The following ZSWIM8 variants were observed in gnomAD, a reference collection of about 807,000 sequenced individuals.
The protein encoded by ZSWIM8 is zinc finger SWIM domain-containing protein 8.
In ZSWIM8, 27 loss-of-function variants were observed where a neutral mutation model predicts 173.7. The ratio of observed to expected loss-of-function variants is 0.16; its 90% CI spans 0.11 to 0.21. ZSWIM8 has a LOEUF of 0.21. Among genes scored for constraint, ZSWIM8 ranks in the 10% least tolerant of loss-of-function variants. The pLI is 1.00. For missense variants in ZSWIM8, 1,627 were observed against 2,428.8 expected (o/e 0.67, Z 6.94); for synonymous variants, 958 against 962.0 (o/e 1.00, Z 0.08).
Position 73,794,299 on chromosome 10 carries a change from C to G in ZSWIM8, c.2778C>G (p.Ala926=), listed in dbSNP as rs2083529068. 1.2e-6 allele frequency: 2 copies of G among 1,613,986 alleles called. No individual in the cohort carries two copies. The highest frequency in any genetic ancestry group is 1.7e-6 in the Non-Finnish European group (2 of 1,179,880). ...GGCCTGTGTTGCCTCTCATGCTGGCCAGTTTCATCTTTGACGTTCTCTGTG... is the reference window on the plus strand; with the variant it reads ...GGCCTGTGTTGCCTCTCATGCTGGCGAGTTTCATCTTTGACGTTCTCTGTG... ...DYRPVLPLML[A]SFIFDVLCAP... is the part of the protein sequence containing the mutation. Residue 926 remains alanine (A), a synonymous_variant, in exon 13 of 26, where the codon GCC becomes GCG. Transcript: ENST00000604729.
chr10:73,797,564 T>C lies in ZSWIM8; in HGVS notation c.3621T>C (p.Ser1207=). 6.2e-7 allele frequency: 1 copy of C among 1,613,920 alleles called. No individual in the cohort carries two copies. The highest frequency in any genetic ancestry group is 2.2e-5 in the East Asian group (1 of 44,868). The change falls in exon 18 of 26, where the codon AGT becomes AGC. Residue 1207 remains serine, a synonymous_variant. Transcript: ENST00000604729. The surrounding 1 kb of genome is among the most constrained non-coding windows in gnomAD (Gnocchi z 5.6). ...CCTCCAGTGGAAGTCGCCGGGCCAG[T>C]GCCAGTGGAGGAGCCCGGGCGAAGA... ...SSSSSGSRRA[S]ASGGARAKTV... is the part of the protein sequence containing the mutation.
chr10:73,796,217 C>T (rs1043691715), intron 15 of ZSWIM8: 13 of 203,954 alleles, frequency 6.4e-5, no homozygotes, highest in Middle Eastern at 2.0e-3. Context: ...GGCATGGTGG[C>T]GCGCGCCTGT....
rs781473644 is a variant in ZSWIM8 at position 73,794,556 on chromosome 10, G to A, written c.2825G>A (p.Gly942Asp). The change falls in exon 14 of 26, where the codon GGT becomes GAT. Residue 942 changes from glycine to aspartate, a missense_variant. By Grantham distance (94) the Gly-to-Asp change is moderately conservative. Transcript: ENST00000604729. ...VLCAPVVSPT[G>D]SRPPSRNWNS... ...TTTTATACAGTGGTTTCTCCCACAG[G>A]TTCCCGGCCCCCAAGTCGCAACTGG... is the stretch of plus-strand genomic sequence containing the variant. 1 of 1,561,816 alleles carries A rather than the reference G, an allele frequency of 6.4e-7. No homozygotes were observed. The highest frequency in any genetic ancestry group is 1.2e-5 in the South Asian group (1 of 85,100).
At chr10:73,788,261 A>G (rs745702469) in intron 1 of ZSWIM8, among the ~76,000 whole-genome samples, 8 of 151,756 alleles carry the variant, frequency 5.3e-5, no homozygotes, top group Non-Finnish European at 1.2e-4. Context: ...AAAAAAGGCA[A>G]TCGGAGACAA....
Position 73,794,784 on chromosome 10 carries a change from A to G in ZSWIM8, c.2908+145A>G, listed in dbSNP as rs2083552830. On this transcript the variant is annotated intron_variant, in intron 14 of 25. Coordinates refer to ENST00000604729, the MANE Select transcript of ZSWIM8 (RefSeq NM_001367799.1). Reference sequence around the variant, plus strand: ...ACTAGTGCCTGTAAGACAGGAATTCAGGGCAAAAATGTGTGCTATATGGCT... The same window carrying G: ...ACTAGTGCCTGTAAGACAGGAATTCGGGGCAAAAATGTGTGCTATATGGCT... 16 of 675,324 alleles carry G rather than the reference A, an allele frequency of 2.4e-5. No homozygotes were observed. The South Asian group carries it at 3.0e-4, about 13-fold the overall frequency. The allele number at this position is 675,324 out of a possible 1,614,324, so 41.8% of individuals were successfully genotyped here.
chr10:73,799,978 T>A (rs769454177), intron 21 of ZSWIM8, 33 bp from the exon 22 acceptor site: 1 of 1,604,548 alleles, frequency 6.2e-7, no homozygotes, highest in Non-Finnish European at 8.5e-7. Flanking sequence ...TAATCAAGTT[T>A]GGCATCTTCC....
chr10:73,786,087 G>T lies in ZSWIM8; in HGVS notation c.208+1G>T. On this transcript the variant is annotated splice_donor_variant, in intron 1 of 25. Coordinates refer to ENST00000604729, the MANE Select transcript of ZSWIM8 (RefSeq NM_001367799.1). LOFTEE classifies it high-confidence loss of function. ...GGCAGTGGCGGTACCAGAATGCGAG[G>T]TGAGAGTGAGCTGGGGGGAAGAGGA... The T allele has an allele frequency of 6.4e-7, 1 of 1,566,080 alleles. No homozygotes were observed. Among genetic ancestry groups the T allele is most frequent in the Non-Finnish European group, 8.7e-7 (1 of 1,153,908 alleles).
chr10:73,801,360 C>T lies in ZSWIM8; in HGVS notation c.5346C>T (p.Asp1782=), dbSNP rs771281686. 5.0e-6 allele frequency: 8 copies of T among 1,613,974 alleles called. No individual in the cohort carries two copies. Among genetic ancestry groups the T allele is most frequent in the Admixed American group, 1.7e-5 (1 of 60,020 alleles). The change falls in exon 26 of 26, where the codon GAC becomes GAT. Residue 1782 remains aspartate, a synonymous_variant. Transcript: ENST00000604729. This position sits in a 1 kb window ranked among gnomAD's most constrained non-coding sequence, Gnocchi z 4.9. ...TTCACCTGACTCCTGCGGACTACGA[C>T]GACTTTGTGAATGCGATCCGGAGTG... The part of the protein sequence containing the change: ...RLIHLTPADY[D]DFVNAIRSAR...
In ZSWIM8 at chr10:73,790,370, A is replaced by G. The variant is rs1435246782; in HGVS notation, c.941+78A>G. 3.3e-5 allele frequency: 51 copies of G among 1,523,398 alleles called. No homozygotes were observed. The Middle Eastern group carries it at 7.1e-4, about 21-fold the overall frequency. The allele number at this position is 1,523,398 out of a possible 1,614,324, so 94.4% of individuals were successfully genotyped here. On this transcript the variant is annotated intron_variant, in intron 7 of 25. Transcript: ENST00000604729. ...AGGCTGATGACAGATCCTTTCTTCT[A>G]TTCATGCCTGTGACCCCTACCTTTT...
At chr10:73,798,833 C>T (rs1249441038) in intron 20 of ZSWIM8, among the ~76,000 whole-genome samples, 169 bp from the exon 21 acceptor site, 2 of 152,174 alleles carry the variant, frequency 1.3e-5, no homozygotes, top group Non-Finnish European at 2.9e-5. Flanking sequence ...AGTATTTACT[C>T]AGTGTGTGAA....
At chr10:73,798,543 C>G (rs2132788193) in intron 20 of ZSWIM8, 90 bp downstream of exon 20, 1 of 1,203,868 alleles carries the variant, frequency 8.3e-7, no homozygotes, top group African/African-American at 1.5e-5. Flanking sequence ...CTCTTGATTC[C>G]CGTATCCTGG....
chr10:73,801,207 G>C lies in ZSWIM8; in HGVS notation c.5301+12G>C. ...AGGCATACATGCAGGTGACAACCTA[G>C]AATTATGGAGCAGGGTGGAGCACTT... On this transcript the variant is annotated intron_variant, in intron 25 of 25. Coordinates refer to ENST00000604729, the MANE Select transcript of ZSWIM8 (RefSeq NM_001367799.1). The surrounding 1 kb of genome is among the most constrained non-coding windows in gnomAD (Gnocchi z 4.9). The C allele has an allele frequency of 1.9e-6, 3 of 1,602,002 alleles. No individual in the cohort carries two copies. The highest frequency in any genetic ancestry group is 1.7e-6 in the Non-Finnish European group (2 of 1,173,798).
At chr10:73,790,136 C>A (rs2083366040) in intron 6 of ZSWIM8, 36 bp from the exon 7 acceptor site, 2 of 1,611,018 alleles carry the variant, frequency 1.2e-6, no homozygotes, top group African/African-American at 2.7e-5. Context: ...AATCCAGGCC[C>A]CTATCTCTAG....
Position 73,800,310 on chromosome 10 carries a change from C to T in ZSWIM8, c.4840C>T (p.Pro1614Ser). ...ACCCCACTTAGTGAGCAGTGTCCAT[C>T]CAGCATCCACGTTTCCAGCCATCCA... The part of the protein sequence containing the change: ...PTSVALSSVH[P>S]ASTFPAIQGA... The change falls in exon 23 of 26, where the codon CCA (proline) becomes TCA (serine). Residue 1614 changes from proline to serine, a missense_variant. Physicochemically the swap from Pro to Ser is moderately conservative, Grantham distance 74 (BLOSUM62 -1). Transcript: ENST00000604729. The surrounding 1 kb of genome is among the most constrained non-coding windows in gnomAD (Gnocchi z 4.1). The T allele has an allele frequency of 6.2e-7, 1 of 1,613,834 alleles. No homozygotes were observed. Among genetic ancestry groups the T allele is most frequent in the South Asian group, 1.1e-5 (1 of 91,072 alleles).
In ZSWIM8 at chr10:73,801,240, G is replaced by A. The variant is rs2083946111; in HGVS notation, c.5301+45G>A. On this transcript the variant is annotated intron_variant, in intron 25 of 25. Transcript: ENST00000604729. The surrounding 1 kb of genome is among the most constrained non-coding windows in gnomAD (Gnocchi z 4.9). ...GAGCAGGGTGGAGCACTTCCTGGGT[G>A]GTCTTGGACCAGAGGGAGGCAGGGC... is the stretch of plus-strand genomic sequence containing the variant. 6.2e-7 allele frequency: 1 copy of A among 1,602,428 alleles called. No individual in the cohort carries two copies. Among genetic ancestry groups the A allele is most frequent in the Non-Finnish European group, 8.5e-7 (1 of 1,172,688 alleles).
At chr10:73,790,148 T>C (rs370917390) in intron 6 of ZSWIM8, 24 bp from the exon 7 acceptor site, 16 of 1,611,108 alleles carry the variant, frequency 9.9e-6, no homozygotes, top group East Asian at 2.2e-5. Flanking sequence ...TATCTCTAGA[T>C]GACTGACTGC....
intron 13 of ZSWIM8, 90 bp downstream of exon 13, chr10:73,794,420 C>A (rs1364003890): frequency 1.4e-5 from 22 of 1,568,008 alleles, no homozygotes; most frequent in Non-Finnish European, 1.8e-5. Flanking sequence ...TCTGAATCAC[C>A]TTTAGGACCC....
rs2083198048 is a variant in ZSWIM8, at chr10:73,785,827, C to T, written c.-52C>T. On this transcript the variant is annotated 5_prime_UTR_variant, in exon 1 of 26. Transcript: ENST00000604729. ...CCTCCCCTCAACCCCCGGCCGGCGG[C>T]CCAGGCCCCGGATCCGCGGGGGGGG... 1.4e-6 allele frequency: 2 copies of T among 1,463,180 alleles called. No homozygotes were observed. Among genetic ancestry groups the T allele is most frequent in the African/African-American group, 3.0e-5 (2 of 67,622 alleles). 90.6% of individuals were successfully genotyped at this position (1,463,180 alleles called of 1,614,324 possible).
At chr10:73,787,716 G>T (rs1040903328) in intron 1 of ZSWIM8, among the ~76,000 whole-genome samples, 1 of 152,092 alleles carries the variant, frequency 6.6e-6, no homozygotes, top group Admixed American at 6.5e-5. Context: ...CGCTGGGTGT[G>T]TTGGCACCCG....
Sources: allele counts gnomAD v4.1 joint callset (sites outside exome capture counted in the v4.1 genomes callset), GRCh38; gene constraint gnomAD v4.1.1; non-coding constraint Gnocchi (gnomAD v3.1); transcripts MANE v1.5; gene names NCBI Gene and HGNC (gene_info 2026-07-23, HGNC 2026-07-21).